The following PKD1L1 variants were observed in gnomAD, a reference collection of about 807,000 sequenced individuals.
PKD1L1 encodes the protein polycystin-1-like protein 1.
A neutral mutation model predicts 323.4 loss-of-function variants in PKD1L1; 236 were observed. That is an observed-to-expected ratio of 0.73 (90% CI 0.66 to 0.81). The LOEUF (loss-of-function observed/expected upper bound fraction) is 0.81. Ranked by LOEUF, PKD1L1 falls within the 40% of genes least tolerant of loss-of-function variation. PKD1L1 has a pLI of 0.00. For missense variants in PKD1L1, 3,320 were observed against 3,508.0 expected (o/e 0.95, Z 1.35); for synonymous variants, 1,344 against 1,335.0 (o/e 1.01, Z -0.15).
At chr7:47,934,977 T>C (rs1583687121) in intron 4 of PKD1L1, among the ~76,000 whole-genome samples, 1 of 152,048 alleles carries the variant, frequency 6.6e-6, no homozygotes, top group South Asian at 2.1e-4. Flanking sequence ...AGGTGGGAGG[T>C]GGAGTCAATG....
intron 41 of PKD1L1, among the ~76,000 whole-genome samples, chr7:47,832,731 T>C (rs908109829): frequency 8.5e-5 from 13 of 152,232 alleles, no homozygotes; most frequent in Admixed American, 3.3e-4. Context: ...AATCCCTGCC[T>C]CTACCAGCTC....
At chr7:47,910,066 C>T (rs1422636639) in intron 8 of PKD1L1, among the ~76,000 whole-genome samples, 1 of 152,178 alleles carries the variant, frequency 6.6e-6, no homozygotes, top group Non-Finnish European at 1.5e-5. Flanking sequence ...TCTTACAATA[C>T]TGCTCCTCTT....
At chr7:47,834,506 C>T in intron 39 of PKD1L1, 121 bp from the exon 40 acceptor site, 2 of 811,554 alleles carry the variant, frequency 2.5e-6, no homozygotes. Context: ...CTTCCTGACT[C>T]AGCCAGAATG....
intron 4 of PKD1L1, among the ~76,000 whole-genome samples, chr7:47,934,792 G>A (rs1787835949): frequency 6.6e-6 from 1 of 152,162 alleles, no homozygotes; most frequent in African/African-American, 2.4e-5. Flanking sequence ...TCAGGAGACA[G>A]ACACAAGAGT....
intron 21 of PKD1L1, among the ~76,000 whole-genome samples, chr7:47,879,255 C>G: frequency 6.6e-6 from 1 of 152,150 alleles, no homozygotes; most frequent in East Asian, 1.9e-4. Context: ...ATAGAGTTCA[C>G]AGAGAATGCA....
intron 30 of PKD1L1, among the ~76,000 whole-genome samples, 166 bp from the exon 31 acceptor site, chr7:47,853,393 AC>A (rs1480943917): frequency 1.3e-5 from 2 of 152,094 alleles, no homozygotes; most frequent in African/African-American, 4.8e-5. Context: ...CCACAACACC[AC>A]CTGGTCTCTT....
chr7:47,853,031 A>G, intron 31 of PKD1L1, 96 bp downstream of exon 31: 1 of 828,348 alleles, frequency 1.2e-6, no homozygotes, highest in East Asian at 2.4e-5. Flanking sequence ...TGTTTTTGTC[A>G]TGAATAAAGA....
intron 33 of PKD1L1, 95 bp downstream of exon 33, chr7:47,844,900 G>T: frequency 1.0e-6 from 1 of 955,012 alleles, no homozygotes; most frequent in South Asian, 1.9e-5. Context: ...AAGTAACATG[G>T]ATTTCAAGCA....
chr7:47,925,117 TG>T (rs1169390995), intron 7 of PKD1L1, among the ~76,000 whole-genome samples: 10 of 152,040 alleles, frequency 6.6e-5, no homozygotes, highest in Non-Finnish European at 1.0e-4. Context: ...ACAACCAGTT[TG>T]GGGACAAAAT....
upstream of PKD1L1, among the ~76,000 whole-genome samples, chr7:47,949,393 C>CAAAAAAAAAAAAA: frequency 2.1e-5 from 1 of 47,256 alleles, no homozygotes; most frequent in Non-Finnish European, 4.5e-5. Flanking sequence ...AAAAAAAAAG[C>CAAAAAAAAAAAAA]TGTAACTGTC....
chr7:47,885,899 C>T lies in PKD1L1; in HGVS notation c.2992G>A (p.Gly998Ser). The T allele has an allele frequency of 1.9e-6, 3 of 1,614,096 alleles. No homozygotes were observed. Among genetic ancestry groups the T allele is most frequent in the Non-Finnish European group, 2.5e-6 (3 of 1,180,020 alleles). ...CTTGGAGCTGAAGTGGCAGGTTGGC[C>T]AAGGGTCACGGGTGAAGGTTCCCGT... is the stretch of plus-strand genomic sequence containing the variant. ...FSREPSPVTL[G>S]QPATSAPRGT... The change falls in exon 18 of 57, where the codon GGC (glycine) becomes AGC (serine). Residue 998 changes from glycine (G) to serine (S), a missense_variant. Gly to Ser is a moderately conservative substitution (Grantham distance 56). Transcript: ENST00000289672.
intron 56 of PKD1L1, among the ~76,000 whole-genome samples, chr7:47,787,685 C>T (rs11760488): frequency 0.12 from 17,836 of 152,104 alleles, 1,305 homozygotes; most frequent in Non-Finnish European, 0.14. Context: ...ATGAGCCATA[C>T]GCCTTTAAAA....
chr7:47,908,037 G>T, intron 9 of PKD1L1, 40 bp downstream of exon 9: 1 of 1,593,758 alleles, frequency 6.3e-7, no homozygotes, highest in East Asian at 2.2e-5. Flanking sequence ...TTCATTTATA[G>T]TTGAAGTGTG....
rs1030120632 is a variant in PKD1L1, at chr7:47,821,372, G to A, written c.6855-186C>T. 2.6e-5 allele frequency among the ~76,000 whole-genome samples: 4 copies of A among 152,126 alleles called. No homozygotes were observed. In the East Asian group the frequency reaches 7.7e-4, roughly 29 times the overall value. Reference sequence around the variant, plus strand: ...CAACCTCTGCCTCCTGGGTTCAAGCGATTCTCCTGTCTCAGCCTCCCGAGT... The same window carrying A: ...CAACCTCTGCCTCCTGGGTTCAAGCAATTCTCCTGTCTCAGCCTCCCGAGT... On this transcript the variant is annotated intron_variant, in intron 45 of 56. Coordinates refer to ENST00000289672, the MANE Select transcript of PKD1L1 (RefSeq NM_138295.5).
At chr7:47,883,720 T>C (rs1255732505) in intron 19 of PKD1L1, among the ~76,000 whole-genome samples, 1 of 152,224 alleles carries the variant, frequency 6.6e-6, no homozygotes, top group African/African-American at 2.4e-5. Context: ...GGAGGACTGT[T>C]GAAGGAAACA....
intron 37 of PKD1L1, 111 bp from the exon 38 acceptor site, chr7:47,835,354 A>G: frequency 3.1e-6 from 2 of 640,472 alleles, no homozygotes; most frequent in Non-Finnish European, 5.4e-6. Context: ...ATTATATTTA[A>G]TAAAAGTGCT....
At chr7:47,830,909 C>G (rs1412911861) in intron 42 of PKD1L1, among the ~76,000 whole-genome samples, 1 of 152,194 alleles carries the variant, frequency 6.6e-6, no homozygotes, top group Non-Finnish European at 1.5e-5. Flanking sequence ...TGGGAACCTG[C>G]TCCTCTCAGG....
At chr7:47,815,582 A>C (rs1048754662) in intron 46 of PKD1L1, 125 bp from the exon 47 acceptor site, 2 of 1,119,240 alleles carry the variant, frequency 1.8e-6, no homozygotes, top group Non-Finnish European at 1.3e-6. Context: ...TGCAGGAATT[A>C]AACTCAAGCT....
rs999862472 is a variant in PKD1L1 at position 47,904,560 on chromosome 7, A to G, written c.1749T>C (p.His583=). The change falls in exon 12 of 57, where the codon CAT becomes CAC. Residue 583 remains histidine (H), a synonymous_variant. Coordinates refer to ENST00000289672, the MANE Select transcript of PKD1L1 (RefSeq NM_138295.5). ...CAATTTTCTTCTGCACCCTGATGAC[A>G]TGGGGCTCAGAGACCACACTGCTCA... ...NRMSSVVSEP[H]VIRVQKKIVA... is the part of the protein sequence containing the mutation. 2 of 1,614,070 alleles carry G rather than the reference A, an allele frequency of 1.2e-6. No individual in the cohort carries two copies. Among genetic ancestry groups the G allele is most frequent in the East Asian group, 2.2e-5 (1 of 44,870 alleles).
Sources: allele counts gnomAD v4.1 joint callset (sites outside exome capture counted in the v4.1 genomes callset), GRCh38; gene constraint gnomAD v4.1.1; transcripts MANE v1.5; gene names NCBI Gene and HGNC (gene_info 2026-07-23, HGNC 2026-07-21).